Variants in CADPS2 observed in about 807,000 individuals in gnomAD.
CADPS2 encodes the protein calcium-dependent secretion activator 2.
A neutral mutation model predicts 172.5 loss-of-function variants in CADPS2; 93 were observed. The ratio of observed to expected loss-of-function variants is 0.54; its 90% CI spans 0.46 to 0.64. The LOEUF (loss-of-function observed/expected upper bound fraction) is 0.64, where lower values mean the gene tolerates loss of function less well. Ranked by LOEUF, CADPS2 falls within the 30% of genes least tolerant of loss-of-function variation. The probability of loss-of-function intolerance (pLI) is 0.00; values close to 1 mark genes in which losing one functional copy is unlikely to be tolerated. For missense variants in CADPS2, 1,420 were observed against 1,565.9 expected, an observed-to-expected ratio of 0.91 and a Z score of 1.57; for synonymous variants, 546 against 555.2, an observed-to-expected ratio of 0.98 and a Z score of 0.23.
chr7:122,546,156 G>A (rs2063594804), intron 8 of CADPS2, among the ~76,000 whole-genome samples: 1 of 152,104 alleles, frequency 6.6e-6, no homozygotes, highest in South Asian at 2.1e-4. Context: ...TTAAAATTGT[G>A]GTGATGTTTC....
At chr7:122,389,918 A>T (rs2151460193) in intron 22 of CADPS2, among the ~76,000 whole-genome samples, 1 of 152,218 alleles carries the variant, frequency 6.6e-6, no homozygotes, top group African/African-American at 2.4e-5. Context: ...TAAATTGTTT[A>T]AAGCACCACA....
intron 4 of CADPS2, among the ~76,000 whole-genome samples, chr7:122,625,872 C>T (rs1000677961): frequency 1.3e-5 from 2 of 151,864 alleles, no homozygotes; most frequent in African/African-American, 4.8e-5. Flanking sequence ...ATTATATCTA[C>T]CTAGATATTG....
intron 11 of CADPS2, among the ~76,000 whole-genome samples, chr7:122,484,047 C>A (rs1188449290): frequency 6.6e-6 from 1 of 152,056 alleles, no homozygotes; most frequent in Non-Finnish European, 1.5e-5. Flanking sequence ...CAAGGACTGA[C>A]CTATAGATTG....
chr7:122,841,282 T>C (rs1464021183), intron 1 of CADPS2, among the ~76,000 whole-genome samples: 2 of 152,122 alleles, frequency 1.3e-5, no homozygotes, highest in East Asian at 1.9e-4. Flanking sequence ...GACATACTTA[T>C]TACAAAGTAC....
chr7:122,662,414 T>A (rs1233172726), intron 3 of CADPS2, among the ~76,000 whole-genome samples: 1 of 144,846 alleles, frequency 6.9e-6, no homozygotes. Flanking sequence ...TCTTACTTTG[T>A]CACCAGGCTG....
intron 1 of CADPS2, among the ~76,000 whole-genome samples, chr7:122,885,368 G>A (rs905832353): frequency 6.6e-6 from 1 of 151,306 alleles, no homozygotes; most frequent in Non-Finnish European, 1.5e-5. Context: ...CATTAATCAG[G>A]CCTGCCCAGA....
At chr7:122,447,265 T>C (rs1184963851) in intron 15 of CADPS2, among the ~76,000 whole-genome samples, 2 of 152,072 alleles carry the variant, frequency 1.3e-5, no homozygotes, top group African/African-American at 2.4e-5. Flanking sequence ...ATATTTGTTT[T>C]TGATGTCCTC....
Position 122,325,460 on chromosome 7 carries a change from A to G in CADPS2, c.3717+17T>C. 6.5e-7 allele frequency: 1 copy of G among 1,529,962 alleles called. No individual in the cohort carries two copies. Among genetic ancestry groups the G allele is most frequent in the East Asian group, 2.3e-5 (1 of 43,890 alleles). The allele number at this position is 1,529,962 out of a possible 1,614,324, so 94.8% of individuals were successfully genotyped here. Reference sequence around the variant, plus strand: ...ATAGCTTAGTGGGCAATTCATATCTAAACACATTTTGTTTACCTTCACAAT... The same window carrying G: ...ATAGCTTAGTGGGCAATTCATATCTGAACACATTTTGTTTACCTTCACAAT... On this transcript the variant is annotated intron_variant, in intron 29 of 29. Coordinates refer to ENST00000449022, the MANE Select transcript of CADPS2 (RefSeq NM_017954.11).
chr7:122,771,871 T>C (rs966822055), intron 1 of CADPS2, among the ~76,000 whole-genome samples: 1 of 152,090 alleles, frequency 6.6e-6, no homozygotes, highest in East Asian at 1.9e-4. Flanking sequence ...AACTGAACAG[T>C]GAGGTAAGGT....
intron 2 of CADPS2, among the ~76,000 whole-genome samples, chr7:122,679,062 A>G (rs963569292): frequency 6.6e-6 from 1 of 152,118 alleles, no homozygotes; most frequent in Non-Finnish European, 1.5e-5. Context: ...TTTGAACAAT[A>G]TGAAATCTGG....
At chr7:122,359,904 G>A (rs960257224) in intron 27 of CADPS2, among the ~76,000 whole-genome samples, 1 of 152,110 alleles carries the variant, frequency 6.6e-6, no homozygotes, top group Admixed American at 6.5e-5. Context: ...ATGTGGTGGT[G>A]CATCCTAAAA....
At chr7:122,550,850 T>C (rs2064190938) in intron 8 of CADPS2, among the ~76,000 whole-genome samples, 2 of 152,178 alleles carry the variant, frequency 1.3e-5, no homozygotes, top group Admixed American at 6.5e-5. Flanking sequence ...GGTAATTTGT[T>C]CAATAGATTT....
intron 15 of CADPS2, among the ~76,000 whole-genome samples, chr7:122,446,639 T>C (rs1174736994): frequency 1.3e-5 from 2 of 152,208 alleles, no homozygotes; most frequent in African/African-American, 2.4e-5. Flanking sequence ...TCCTCACATA[T>C]ATGAAATGAT....
At chr7:122,641,232 T>C (rs1197523375) in intron 3 of CADPS2, among the ~76,000 whole-genome samples, 3 of 152,212 alleles carry the variant, frequency 2.0e-5, no homozygotes, top group Non-Finnish European at 4.4e-5. Context: ...ATACCTAATG[T>C]GTATCTTTAT....
intron 2 of CADPS2, among the ~76,000 whole-genome samples, chr7:122,695,870 G>A: frequency 6.6e-6 from 1 of 152,212 alleles, no homozygotes; most frequent in East Asian, 1.9e-4. Flanking sequence ...AAATGAACAA[G>A]GATGTGGAGG....
intron 2 of CADPS2, among the ~76,000 whole-genome samples, chr7:122,707,894 C>T (rs1310471833): frequency 6.6e-6 from 1 of 151,398 alleles, no homozygotes; most frequent in African/African-American, 2.4e-5. Context: ...TGTAACAAAA[C>T]TAGTTTATAT....
intron 2 of CADPS2, among the ~76,000 whole-genome samples, chr7:122,716,228 G>A (rs1036118537): frequency 6.6e-6 from 1 of 152,008 alleles, no homozygotes; most frequent in African/African-American, 2.4e-5. Flanking sequence ...ATATGTTGCT[G>A]AAGGAATATT....
At chr7:122,756,759 G>C (rs2093177442) in intron 1 of CADPS2, among the ~76,000 whole-genome samples, 1 of 152,052 alleles carries the variant, frequency 6.6e-6, no homozygotes, top group African/African-American at 2.4e-5. Context: ...AGTTAGCCAG[G>C]CATGGTGGCA....
chr7:122,524,186 T>C (rs1220866751), intron 8 of CADPS2, among the ~76,000 whole-genome samples: 5 of 152,190 alleles, frequency 3.3e-5, no homozygotes, highest in African/African-American at 1.2e-4. Flanking sequence ...CCATATCATG[T>C]TGACTAATAA....
Sources: gnomAD v4.1 joint callset for allele counts (sites outside exome capture counted in the v4.1 genomes callset) on GRCh38, gnomAD v4.1.1 for gene constraint, MANE v1.5 for transcripts, NCBI Gene and HGNC (gene_info 2026-07-23, HGNC 2026-07-21) for gene names.